The following SLIT3 variants were observed in gnomAD, a reference collection of about 807,000 sequenced individuals.
SLIT3 encodes slit homolog 3 protein.
A neutral mutation model predicts 184.0 loss-of-function variants in SLIT3; 68 were observed. The ratio of observed to expected loss-of-function variants is 0.37; its 90% confidence interval spans 0.30 to 0.45. The LOEUF (loss-of-function observed/expected upper bound fraction) is 0.45, where lower values mean the gene tolerates loss of function less well. Ranked by LOEUF, SLIT3 falls within the 20% of genes least tolerant of loss-of-function variation. The pLI is 1.00. For synonymous variants in SLIT3, 831 were observed against 828.6 expected (o/e 1.00, Z -0.05); for missense variants, 1,707 against 2,026.0 (o/e 0.84, Z 3.02).
intron 4 of SLIT3, chr5:169,026,535 T>C (rs898062858): frequency 5.3e-5 from 8 of 152,182 alleles, no homozygotes; most frequent in Admixed American, 2.0e-4. Context: ...ATATACAGAC[T>C]GCTGAAGATC....
At chr5:168,957,700 T>C (rs1457761888) in intron 4 of SLIT3, among the ~76,000 whole-genome samples, 1 of 152,240 alleles carries the variant, frequency 6.6e-6, no homozygotes, top group African/African-American at 2.4e-5. Flanking sequence ...GAGGTTCTGC[T>C]GACAGGGTCC....
chr5:168,796,378 T>C (rs1756565808), intron 9 of SLIT3, among the ~76,000 whole-genome samples: 1 of 152,158 alleles, frequency 6.6e-6, no homozygotes, highest in Non-Finnish European at 1.5e-5. Context: ...TCAAATGACT[T>C]CCTGTCACCA....
chr5:168,855,543 A>C (rs1028522083), intron 5 of SLIT3, among the ~76,000 whole-genome samples: 4 of 152,266 alleles, frequency 2.6e-5, no homozygotes, highest in African/African-American at 9.6e-5. Flanking sequence ...CAGCTACAAA[A>C]CAGGAATGAA....
At chr5:168,734,866 A>T (rs1343320369) in intron 20 of SLIT3, among the ~76,000 whole-genome samples, 1 of 152,210 alleles carries the variant, frequency 6.6e-6, no homozygotes, top group Admixed American at 6.5e-5. Flanking sequence ...CTCCTCAGGG[A>T]GAGCTGCGTT....
At position 168,696,149 on chromosome 5, in the gene SLIT3, A is replaced by G. The variant is rs1363504877; in HGVS notation, c.3082+143T>C. ...CGGAGAAGCAAACAGGCCTTTGGGG[A>G]GCCCCTCTTGGCATATCACAGTCTT... On this transcript the variant is annotated intron_variant, in intron 28 of 35. Coordinates refer to ENST00000519560, the MANE Select transcript of SLIT3 (RefSeq NM_003062.4). 26 of 979,050 alleles carry G rather than the reference A, an allele frequency of 2.7e-5. No individual in the cohort carries two copies. The East Asian group carries it at 6.1e-4, about 23-fold the overall frequency. The allele number at this position is 979,050 out of a possible 1,614,324, so 60.6% of individuals were successfully genotyped here.
chr5:168,749,488 C>G lies in SLIT3; in HGVS notation c.2121G>C (p.Gln707His). ...CCTTCTTACCATCACAGGTGAAGTC[C>G]TGGATGGCCACATCCTGGATGGGAA... Reference protein sequence around the residue: ...KEIPIQDVAIQDFTCDGNEES... With the variant: ...KEIPIQDVAIHDFTCDGNEES... The change falls in exon 19 of 36, where the codon CAG becomes CAC. Residue 707 changes from glutamine to histidine, a missense_variant. By Grantham distance (24) the Gln-to-His change is conservative. Transcript: ENST00000519560. 6.2e-7 allele frequency: 1 copy of G among 1,614,160 alleles called. No homozygotes were observed. The highest frequency in any genetic ancestry group is 8.5e-7 in the Non-Finnish European group (1 of 1,180,008).
intron 20 of SLIT3, among the ~76,000 whole-genome samples, chr5:168,746,431 TGTG>T (rs544622139): frequency 2.4e-4 from 14 of 58,902 alleles, no homozygotes; most frequent in African/African-American, 2.3e-4. Flanking sequence ...TGTGGTGGTG[TGTG>T]GTGGTGTGGG....
intron 4 of SLIT3, among the ~76,000 whole-genome samples, chr5:168,884,549 G>GATAGATATATATATATATAT (rs1554153412): frequency 4.9e-5 from 2 of 41,138 alleles, no homozygotes; most frequent in Non-Finnish European, 8.2e-5. Context: ...CCAATTACGA[G>GATAGATATATATATATATAT]ATATATATAT....
Position 169,300,541 on chromosome 5 carries a change from G to A in SLIT3, c.169C>T (p.Arg57Trp), listed in dbSNP as rs1416082694. The A allele has an allele frequency of 2.0e-6, 3 of 1,509,698 alleles. No homozygotes were observed. Among genetic ancestry groups the A allele is most frequent in the East Asian group, 2.7e-5 (1 of 36,416 alleles). 93.5% of individuals were successfully genotyped at this position (1,509,698 alleles called of 1,614,324 possible). A position where few individuals can be genotyped will look rare whatever the true frequency, so the allele number is the denominator to read the frequency against. ...CGCTCAGCGTTGCGGGGGATGCCCC[G>A]AGGAACCGCGCGGAGGCCCAGCCCG... ...CHGLGLRAVP[R>W]GIPRNAERLD... The change falls in exon 1 of 36, where the codon CGG (arginine) becomes TGG (tryptophan). Residue 57 changes from arginine to tryptophan, a missense_variant. This residue lies in a region of SLIT3 where 1,307 missense variants were observed against 1,511.6 expected (regional missense o/e 0.86). Coordinates refer to ENST00000519560, the MANE Select transcript of SLIT3 (RefSeq NM_003062.4). The surrounding 1 kb of genome is among the most constrained non-coding windows in gnomAD (Gnocchi z 4.1).
chr5:169,239,584 GCTC>G (rs1490604182), intron 3 of SLIT3, among the ~76,000 whole-genome samples: 2 of 151,966 alleles, frequency 1.3e-5, no homozygotes, highest in East Asian at 1.9e-4. Context: ...TTCAAAGTCT[GCTC>G]CTATTATCAC....
intron 4 of SLIT3, among the ~76,000 whole-genome samples, chr5:169,169,137 A>G (rs1413490572): frequency 1.3e-5 from 2 of 152,224 alleles, no homozygotes; most frequent in Non-Finnish European, 2.9e-5. Context: ...CTAACCTGCT[A>G]GATGAAGAGC....
At position 168,785,865 on chromosome 5, in the gene SLIT3, G is replaced by A. The variant is rs369102414; in HGVS notation, c.1151+42C>T. The A allele has an allele frequency of 3.7e-5, 54 of 1,451,310 alleles. No individual in the cohort carries two copies. The African/African-American group carries it at 4.3e-4, about 12-fold the overall frequency. The allele number at this position is 1,451,310 out of a possible 1,614,324, so 89.9% of individuals were successfully genotyped here. A position where few individuals can be genotyped will look rare whatever the true frequency, so the allele number is the denominator to read the frequency against. ...CAACGTTTTCAGGTGGGAGCCTTCCGACAGTACCAAAGACACCAACAGTGA... is the reference window on the plus strand; with the variant it reads ...CAACGTTTTCAGGTGGGAGCCTTCCAACAGTACCAAAGACACCAACAGTGA... On this transcript the variant is annotated intron_variant, in intron 12 of 35. Transcript: ENST00000519560.
At chr5:168,832,350 G>A (rs537199559) in intron 6 of SLIT3, among the ~76,000 whole-genome samples, 2 of 152,318 alleles carry the variant, frequency 1.3e-5, no homozygotes, top group African/African-American at 4.8e-5. Context: ...AGGAAGAAGA[G>A]GGACATTTTG....
chr5:168,801,433 GA>G (rs1756762620), intron 9 of SLIT3, among the ~76,000 whole-genome samples: 2 of 152,202 alleles, frequency 1.3e-5, no homozygotes, highest in Admixed American at 6.5e-5. Flanking sequence ...GAGGCAGGGT[GA>G]AAACTGGGGC....
At chr5:168,849,179 A>G (rs984540361) in intron 5 of SLIT3, among the ~76,000 whole-genome samples, 1 of 152,226 alleles carries the variant, frequency 6.6e-6, no homozygotes, top group Non-Finnish European at 1.5e-5. Context: ...TCGAATTCCA[A>G]ACTAGGTATC....
intron 4 of SLIT3, among the ~76,000 whole-genome samples, chr5:169,143,741 A>G (rs1386689590): frequency 1.3e-5 from 2 of 152,232 alleles, no homozygotes; most frequent in Non-Finnish European, 2.9e-5. Context: ...GTGGAACTGC[A>G]GTGAGCCGAG....
At chr5:168,708,177 G>A in intron 25 of SLIT3, 77 bp from the exon 26 acceptor site, 1 of 1,602,200 alleles carries the variant, frequency 6.2e-7, no homozygotes, top group Non-Finnish European at 8.5e-7. Flanking sequence ...CTCTGCTCTG[G>A]GCCCTCCCTC....
In SLIT3 at chr5:168,872,359, G is replaced by A. The variant is rs1388589984; in HGVS notation, c.485+10906C>T. 2.0e-5 allele frequency among the ~76,000 whole-genome samples: 3 copies of A among 152,058 alleles called. No individual in the cohort carries two copies. In the East Asian group the frequency reaches 5.8e-4, roughly 29 times the overall value. ...ACACACTTGTCAAAACCCATCCAAC[G>A]TACAAACCAAACGGTGAACTCTAAT... On this transcript the variant is annotated intron_variant, in intron 5 of 35. Coordinates refer to ENST00000519560, the MANE Select transcript of SLIT3 (RefSeq NM_003062.4).
At chr5:168,707,431 G>C (rs1762406441) in intron 26 of SLIT3, 1 of 156,572 alleles carries the variant, frequency 6.4e-6, no homozygotes, top group Non-Finnish European at 1.4e-5. Context: ...GGACAGAGGG[G>C]AGAACTGGGA....
Sources: allele counts gnomAD v4.1 joint callset (sites outside exome capture counted in the v4.1 genomes callset), GRCh38; gene constraint gnomAD v4.1.1; regional missense constraint gnomAD v4.1.1; non-coding constraint Gnocchi (gnomAD v3.1); transcripts MANE v1.5; gene names NCBI Gene and HGNC (gene_info 2026-07-23, HGNC 2026-07-21).